DUOXA1: variants seen among roughly 807,000 people sequenced by gnomAD.
The protein encoded by DUOXA1 is dual oxidase maturation factor 1.
A neutral mutation model predicts 26.6 loss-of-function variants in DUOXA1; 19 were observed. That is an observed-to-expected ratio of 0.71 (90% CI 0.50 to 1.05). The LOEUF (loss-of-function observed/expected upper bound fraction) is 1.05. DUOXA1 is among the 50% of genes least tolerant of loss of function. DUOXA1 has a pLI of 0.00. For missense variants in DUOXA1, 403 were observed against 427.5 expected (o/e 0.94, Z 0.51); for synonymous variants, 166 against 177.0 (o/e 0.94, Z 0.49).
intron 8 of DUOXA1, 24 bp from the exon 9 acceptor site, chr15:45,119,389 C>T (rs1894926023): frequency 6.3e-7 from 1 of 1,589,038 alleles, no homozygotes; most frequent in African/African-American, 1.3e-5. Flanking sequence ...CAACAATTGT[C>T]CCACCTTAGT....
Position 45,126,179 on chromosome 15 carries a change from AT to A in DUOXA1, c.-30+2838del, listed in dbSNP as rs1016739577. Among the ~76,000 whole-genome samples the A allele has an allele frequency of 1.4e-4, 21 of 151,968 alleles. No homozygotes were observed. In the South Asian group the frequency reaches 4.4e-3, roughly 32 times the overall value. ...TCCTCTCTTACCTGGTTCCAAAATA[AT>A]TTTTTTTCTAGTAAGCCAATATAAT... On this transcript the variant is annotated intron_variant, in intron 3 of 8. Transcript: ENST00000560572.
intron 7 of DUOXA1, 76 bp downstream of exon 7, chr15:45,120,516 G>C: frequency 6.5e-7 from 1 of 1,541,014 alleles, no homozygotes; most frequent in South Asian, 1.1e-5. Context: ...CACATGAGTG[G>C]AGGAGAGATG....
chr15:45,120,064 T>G (rs1895022452), intron 8 of DUOXA1, 39 bp downstream of exon 8: 1 of 1,610,866 alleles, frequency 6.2e-7, no homozygotes, highest in African/African-American at 1.3e-5. Flanking sequence ...CTCCCTGGCC[T>G]TGAGACTTCT....
Position 45,120,788 on chromosome 15 carries a change from G to T in DUOXA1, c.358C>A (p.Leu120Met). ...TCGTTGTAATTGATGGTCTCATTCA[G>T]CTGCTGCACGGGGGTCCCTAGGGCA... The part of the protein sequence containing the change: ...ITLTGTPVQQ[L>M]NETINYNEEF... Residue 120 changes from leucine (L) to methionine (M), a missense_variant, in exon 7 of 9, where the codon CTG (leucine) becomes ATG (methionine). Leu to Met is a conservative substitution (Grantham distance 15, BLOSUM62 2). Transcript: ENST00000560572. The T allele has an allele frequency of 1.2e-6, 2 of 1,614,106 alleles. No homozygotes were observed. The highest frequency in any genetic ancestry group is 8.5e-7 in the Non-Finnish European group (1 of 1,180,004).
chr15:45,129,146 C>G lies in DUOXA1; in HGVS notation c.-146-12G>C, dbSNP rs962877095. On this transcript the variant is annotated splice_polypyrimidine_tract_variant and intron_variant, in intron 2 of 8. Coordinates refer to ENST00000560572, the MANE Select transcript of DUOXA1 (RefSeq NM_001276266.2). The surrounding 1 kb of genome is among the most constrained non-coding windows in gnomAD (Gnocchi z 4.1). Reference sequence around the variant, plus strand: ...CAGGTCCCGACGTTCTGTGAACAAACGCGCGCCCTTACTCTCAGTGGGGCT... The same window carrying G: ...CAGGTCCCGACGTTCTGTGAACAAAGGCGCGCCCTTACTCTCAGTGGGGCT... The G allele has an allele frequency of 6.6e-6, 1 of 152,132 alleles. No homozygotes were observed. Among genetic ancestry groups the G allele is most frequent in the Non-Finnish European group, 1.5e-5 (1 of 68,040 alleles). 9.4% of individuals were successfully genotyped at this position (152,132 alleles called of 1,614,324 possible). A position where few individuals can be genotyped will look rare whatever the true frequency, so the allele number is the denominator to read the frequency against.
intron 3 of DUOXA1, among the ~76,000 whole-genome samples, chr15:45,124,693 A>G (rs113603697): frequency 1.9e-3 from 293 of 152,138 alleles, no homozygotes; most frequent in Middle Eastern, 3.4e-3. Flanking sequence ...AGTTTTTTTT[A>G]GCAGAGACGG....
chr15:45,118,714 C>G lies in DUOXA1; in HGVS notation c.*392G>C. On this transcript the variant is annotated 3_prime_UTR_variant, in exon 9 of 9. Transcript: ENST00000560572. ...CAGGAAAAAGGAAAACAAGAGGTGC[C>G]GAGGGATGAGAGGAAACCATAGGAG... 1.0e-6 allele frequency: 1 copy of G among 1,000,512 alleles called. No homozygotes were observed. Among genetic ancestry groups the G allele is most frequent in the Non-Finnish European group, 1.2e-6 (1 of 840,626 alleles). The allele number at this position is 1,000,512 out of a possible 1,614,324, so 62.0% of individuals were successfully genotyped here. A position where few individuals can be genotyped will look rare whatever the true frequency, so the allele number is the denominator to read the frequency against.
At position 45,117,990 on chromosome 15, in the gene DUOXA1, A is replaced by G. The variant is rs376385663; in HGVS notation, c.*1116T>C. 1.9e-6 allele frequency: 3 copies of G among 1,611,766 alleles called. No individual in the cohort carries two copies. The African/African-American group carries it at 4.0e-5, about 22-fold the overall frequency. ...GTGCCCGCCAGGCCTGGGCCAGGAG[A>G]GCTCCAGGAAGGGCACTGAGCGCTG... On this transcript the variant is annotated 3_prime_UTR_variant, in exon 9 of 9. Transcript: ENST00000560572.
rs1895381217 is a variant in DUOXA1 at position 45,123,029 on chromosome 15, G to A, written c.-15C>T. 3.1e-6 allele frequency: 5 copies of A among 1,603,162 alleles called. No homozygotes were observed. The highest frequency in any genetic ancestry group is 2.2e-5 in the East Asian group (1 of 44,546). On this transcript the variant is annotated 5_prime_UTR_variant, in exon 4 of 9. Coordinates refer to ENST00000560572, the MANE Select transcript of DUOXA1 (RefSeq NM_001276266.2). Reference sequence around the variant, plus strand: ...AAAGTAGCCATCTTGGTGAGGTGGTGCAGGGGGGGCAATGCTGTACAACAA... The same window carrying A: ...AAAGTAGCCATCTTGGTGAGGTGGTACAGGGGGGGCAATGCTGTACAACAA...
rs1176426641 is a variant in DUOXA1 at position 45,122,253 on chromosome 15, A to G, written c.148-11T>C. The G allele has an allele frequency of 6.3e-7, 1 of 1,599,324 alleles. No individual in the cohort carries two copies. Among genetic ancestry groups the G allele is most frequent in the Non-Finnish European group, 8.5e-7 (1 of 1,172,548 alleles). On this transcript the variant is annotated splice_polypyrimidine_tract_variant and intron_variant, in intron 4 of 8. Coordinates refer to ENST00000560572, the MANE Select transcript of DUOXA1 (RefSeq NM_001276266.2). ...CAGCCAGAACAGCCTCTGAGTCACA[A>G]GGTAGGTGGGTTAAGTAAAGAGTGC...
intron 3 of DUOXA1, 58 bp from the exon 4 acceptor site, chr15:45,123,101 A>T: frequency 6.8e-7 from 1 of 1,466,704 alleles, no homozygotes. Context: ...CACTGTTTTT[A>T]GTGCTGGAGA....
intron 8 of DUOXA1, 28 bp downstream of exon 8, chr15:45,120,075 A>AG (rs756679960): frequency 6.2e-7 from 1 of 1,612,604 alleles, no homozygotes; most frequent in Non-Finnish European, 8.5e-7. Context: ...TGAGACTTCT[A>AG]GTGCTTGTCT....
At chr15:45,126,166 T>A (rs1439207567) in intron 3 of DUOXA1, among the ~76,000 whole-genome samples, 3 of 152,224 alleles carry the variant, frequency 2.0e-5, no homozygotes, top group Non-Finnish European at 1.5e-5. Context: ...CTCTCTTACC[T>A]GGTTCCAAAA....
At chr15:45,126,072 C>A (rs1895653128) in intron 3 of DUOXA1, among the ~76,000 whole-genome samples, 1 of 152,216 alleles carries the variant, frequency 6.6e-6, no homozygotes, top group South Asian at 2.1e-4. Flanking sequence ...AGCCAGACAC[C>A]TGGACCATCT....
At chr15:45,121,373 C>A (rs188916849) in intron 5 of DUOXA1, 152 bp from the exon 6 acceptor site, 8 of 1,140,476 alleles carry the variant, frequency 7.0e-6, no homozygotes, top group Non-Finnish European at 9.9e-6. Flanking sequence ...GTAAGTCTGC[C>A]AACCACATGT....
chr15:45,121,639 C>T (rs1895219947), intron 5 of DUOXA1, among the ~76,000 whole-genome samples: 2 of 152,212 alleles, frequency 1.3e-5, no homozygotes, highest in African/African-American at 2.4e-5. Context: ...CTCGGCCTCC[C>T]GAGTAGCTGG....
At chr15:45,127,871 T>C (rs901080168) in intron 3 of DUOXA1, among the ~76,000 whole-genome samples, 3 of 152,170 alleles carry the variant, frequency 2.0e-5, no homozygotes, top group Non-Finnish European at 4.4e-5. Context: ...AGACACAAGA[T>C]ACAGTCAAAT....
rs1201139132 is a variant in DUOXA1, at chr15:45,120,930, G to A, written c.341-125C>T. The A allele has an allele frequency of 8.7e-6, 13 of 1,490,796 alleles. No individual in the cohort carries two copies. In the East Asian group the frequency reaches 1.8e-4, roughly 21 times the overall value. The allele number at this position is 1,490,796 out of a possible 1,614,324, so 92.3% of individuals were successfully genotyped here. On this transcript the variant is annotated intron_variant, in intron 6 of 8. Transcript: ENST00000560572. ...CAACTGAGAGAAGGTAGCTTCCAAG[G>A]CCCTGAATTTCCCTTCCTACCATGC...
intron 3 of DUOXA1, 49 bp from the exon 4 acceptor site, chr15:45,123,092 A>G: frequency 1.3e-6 from 2 of 1,494,116 alleles, no homozygotes; most frequent in Non-Finnish European, 1.8e-6. Flanking sequence ...TGTACCTGGC[A>G]CTGTTTTTAG....
Sources: gnomAD v4.1 joint callset for allele counts (sites outside exome capture counted in the v4.1 genomes callset) on GRCh38, gnomAD v4.1.1 for gene constraint, Gnocchi (gnomAD v3.1) non-coding constraint, MANE v1.5 for transcripts, NCBI Gene and HGNC (gene_info 2026-07-23, HGNC 2026-07-21) for gene names.